RBMS3: variants seen among roughly 807,000 people sequenced by gnomAD.
RBMS3 encodes RNA binding motif single stranded interacting protein 3, also known as RNA-binding motif, single-stranded-interacting protein 3.
A neutral mutation model predicts 66.8 loss-of-function variants in RBMS3; 27 were observed. That is an observed-to-expected ratio of 0.40 (90% CI 0.30 to 0.56). The LOEUF (loss-of-function observed/expected upper bound fraction) is 0.56. RBMS3 is among the 20% of genes least tolerant of loss of function. The probability of loss-of-function intolerance (pLI) is 0.40; values close to 1 mark genes in which losing one functional copy is unlikely to be tolerated. For synonymous variants in RBMS3, 188 were observed against 183.0 expected, an observed-to-expected ratio of 1.03 and a Z score of -0.22; for missense variants, 513 against 549.5, an observed-to-expected ratio of 0.93 and a Z score of 0.66.
chr3:29,642,741 C>A (rs1034083950), intron 4 of RBMS3: 1 of 152,098 alleles, frequency 6.6e-6, no homozygotes, highest in Non-Finnish European at 1.5e-5. Context: ...ACAGGAAAAG[C>A]GCATGTGTTC....
chr3:29,493,702 T>A (rs1340931413), intron 3 of RBMS3, among the ~76,000 whole-genome samples: 1 of 152,202 alleles, frequency 6.6e-6, no homozygotes, highest in Non-Finnish European at 1.5e-5. Flanking sequence ...TTGATTGTTC[T>A]TTCTATGGAA....
intron 1 of RBMS3, among the ~76,000 whole-genome samples, chr3:29,397,808 C>T (rs955205269): frequency 2.6e-5 from 4 of 152,074 alleles, no homozygotes; most frequent in Admixed American, 1.3e-4. Context: ...CTCAGCCTCC[C>T]GAGCAGCTGG....
At chr3:29,995,816 C>G (rs1699189761) in intron 14 of RBMS3, among the ~76,000 whole-genome samples, 1 of 151,982 alleles carries the variant, frequency 6.6e-6, no homozygotes, top group South Asian at 2.1e-4. Context: ...CAAAATCATG[C>G]CAAAATGTAA....
At chr3:29,494,495 G>A (rs995630007) in intron 3 of RBMS3, among the ~76,000 whole-genome samples, 4 of 152,142 alleles carry the variant, frequency 2.6e-5, no homozygotes, top group African/African-American at 7.2e-5. Flanking sequence ...TGAACAAAGC[G>A]AGTAACAGCT....
At chr3:29,885,433 A>T (rs1303060217) in intron 8 of RBMS3, among the ~76,000 whole-genome samples, 1 of 151,950 alleles carries the variant, frequency 6.6e-6, no homozygotes, top group Non-Finnish European at 1.5e-5. Context: ...GAATTATATT[A>T]CGTAGTTGGA....
At chr3:29,571,533 C>T (rs1272693723) in intron 3 of RBMS3, among the ~76,000 whole-genome samples, 2 of 151,992 alleles carry the variant, frequency 1.3e-5, no homozygotes, top group Non-Finnish European at 2.9e-5. Context: ...AAGAGATTGT[C>T]CATTCTTCAA....
chr3:29,469,986 C>A (rs2042665756), intron 2 of RBMS3, among the ~76,000 whole-genome samples: 1 of 145,886 alleles, frequency 6.9e-6, no homozygotes, highest in Non-Finnish European at 1.5e-5. Flanking sequence ...AATATATAAC[C>A]TATATTATAT....
At chr3:29,959,037 A>C (rs150811026) in intron 12 of RBMS3, among the ~76,000 whole-genome samples, 1 of 152,210 alleles carries the variant, frequency 6.6e-6, no homozygotes, top group Admixed American at 6.5e-5. Context: ...TGCTCAATAG[A>C]AGTACCTCAT....
chr3:29,730,688 C>A (rs2054091876), intron 4 of RBMS3, among the ~76,000 whole-genome samples: 1 of 152,036 alleles, frequency 6.6e-6, no homozygotes, highest in Non-Finnish European at 1.5e-5. Flanking sequence ...TCCTGGGGAA[C>A]CTCTTTCTGA....
At chr3:29,437,465 A>C (rs557026675) in intron 2 of RBMS3, among the ~76,000 whole-genome samples, 43 of 152,374 alleles carry the variant, frequency 2.8e-4, no homozygotes, top group African/African-American at 1.0e-3. Flanking sequence ...TTTGATAAAG[A>C]ATATTAAGTG....
chr3:29,936,372 A>G (rs1396568221), intron 11 of RBMS3, among the ~76,000 whole-genome samples, 176 bp downstream of exon 11: 1 of 152,148 alleles, frequency 6.6e-6, no homozygotes, highest in Admixed American at 6.6e-5. Context: ...TCCAGGGCAC[A>G]TGTACTCACA....
At chr3:29,924,842 AAAAG>A (rs981138986) in intron 10 of RBMS3, 3 of 142,560 alleles carry the variant, frequency 2.1e-5, no homozygotes, top group African/African-American at 7.8e-5. Flanking sequence ...TCTCAGGAAA[AAAAG>A]AAAAAAAAAA....
In RBMS3 at chr3:29,720,095, T is replaced by C. The variant is rs552611343; in HGVS notation, c.400-19625T>C. Among the ~76,000 whole-genome samples, 10 of 139,208 alleles carry C rather than the reference T, an allele frequency of 7.2e-5. No homozygotes were observed. The South Asian group carries it at 2.5e-3, about 34-fold the overall frequency. The allele number at this position is 139,208 out of a possible 152,430, so 91.3% of individuals were successfully genotyped here. On this transcript the variant is annotated intron_variant, in intron 4 of 14. Coordinates refer to ENST00000383767, the MANE Select transcript of RBMS3 (RefSeq NM_001003793.3). ...TGCCTACCTTTCCAAAGTCACTTCA[T>C]GCCATTACCCGCTAGCTCCCTCTGT...
intron 1 of RBMS3, among the ~76,000 whole-genome samples, chr3:29,319,683 T>G (rs1002583415): frequency 6.6e-5 from 10 of 152,128 alleles, no homozygotes; most frequent in African/African-American, 2.4e-4. Context: ...AAATTTGGAT[T>G]TTTAACTTTA....
At chr3:29,705,004 G>A (rs1215965786) in intron 4 of RBMS3, among the ~76,000 whole-genome samples, 1 of 152,214 alleles carries the variant, frequency 6.6e-6, no homozygotes, top group African/African-American at 2.4e-5. Context: ...TTACCGCATG[G>A]TGTTCCAAGG....
chr3:29,374,957 A>T (rs908509311), intron 1 of RBMS3, among the ~76,000 whole-genome samples: 5 of 152,094 alleles, frequency 3.3e-5, no homozygotes, highest in African/African-American at 1.2e-4. Context: ...GGTGGCTTGA[A>T]ATTGGCTTTC....
intron 4 of RBMS3, chr3:29,615,852 C>G (rs917432420): frequency 1.3e-5 from 2 of 152,010 alleles, no homozygotes; most frequent in African/African-American, 4.8e-5. Context: ...TCTCTTATGT[C>G]TTTACTTTTG....
At chr3:29,404,228 TCA>T (rs1374338013) in intron 1 of RBMS3, among the ~76,000 whole-genome samples, 1 of 152,128 alleles carries the variant, frequency 6.6e-6, no homozygotes, top group Non-Finnish European at 1.5e-5. Context: ...TGCAGACTGG[TCA>T]CAGTTTTGAG....
At chr3:29,318,553 C>T (rs558221027) in intron 1 of RBMS3, among the ~76,000 whole-genome samples, 15 of 152,032 alleles carry the variant, frequency 9.9e-5, no homozygotes, top group Admixed American at 3.3e-4. Context: ...TGGAACATAT[C>T]CTCCCCTGGC....
Sources: gnomAD v4.1 joint callset for allele counts (sites outside exome capture counted in the v4.1 genomes callset) on GRCh38, gnomAD v4.1.1 for gene constraint, MANE v1.5 for transcripts, NCBI Gene and HGNC (gene_info 2026-07-23, HGNC 2026-07-21) for gene names.